The following UGT2B7 variants were observed in gnomAD, a reference collection of about 807,000 sequenced individuals.
The protein encoded by UGT2B7 is UDP-glucuronosyltransferase 2B7.
UGT2B7 carries 51 observed loss-of-function variants against 51.9 expected under a neutral mutation model. The ratio of observed to expected loss-of-function variants is 0.98; its 90% confidence interval spans 0.78 to 1.24. The LOEUF is 1.24. Ranked by LOEUF, UGT2B7 falls within the 50% of genes most tolerant of loss-of-function variation. The pLI, the probability that UGT2B7 is intolerant of heterozygous loss-of-function variation, is 0.00. For synonymous variants in UGT2B7, 225 were observed against 211.6 expected, an observed-to-expected ratio of 1.06 and a Z score of -0.55; for missense variants, 727 against 628.4, an observed-to-expected ratio of 1.16 and a Z score of -1.68.
At chr4:69,109,650 T>C (rs1719717235) in intron 5 of UGT2B7, among the ~76,000 whole-genome samples, 1 of 152,200 alleles carries the variant, frequency 6.6e-6, no homozygotes, top group Non-Finnish European at 1.5e-5. Context: ...AACTTGTAAA[T>C]ATTTTGTCCC....
rs993236771 is a variant in UGT2B7 at position 69,064,024 on chromosome 4, GA to G, written c.-159+12425del. Among the ~76,000 whole-genome samples, 7 of 33,822 alleles carry G rather than the reference GA, an allele frequency of 2.1e-4. No homozygotes were observed. The East Asian group carries it at 5.1e-3, about 25-fold the overall frequency. 22.2% of individuals were successfully genotyped at this position (33,822 alleles called of 152,430 possible). ...TCAAAGGGGAAGATGAGATGGGAAA[GA>G]AAGAAAGAAAGAAAGAAAGAAAGAA... is the stretch of plus-strand genomic sequence containing the variant. On this transcript the variant is annotated intron_variant, in intron 1 of 5. Coordinates refer to the UGT2B7 transcript ENST00000502942.
intron 2 of UGT2B7, among the ~76,000 whole-genome samples, chr4:69,099,519 C>G (rs1719360329): frequency 6.6e-6 from 1 of 151,982 alleles, no homozygotes; most frequent in Non-Finnish European, 1.5e-5. Flanking sequence ...GAGGGCCAGA[C>G]TGTAAAGAGC....
chr4:69,059,697 G>A (rs72851362), intron 1 of UGT2B7, among the ~76,000 whole-genome samples: 27,876 of 152,012 alleles, frequency 0.18, 2,731 homozygotes, highest in East Asian at 0.4. Context: ...CTGGGTGTCC[G>A]CAAATATTTA....
chr4:69,073,164 G>A (rs1718635568), intron 1 of UGT2B7, among the ~76,000 whole-genome samples: 1 of 152,064 alleles, frequency 6.6e-6, no homozygotes, highest in Non-Finnish European at 1.5e-5. Flanking sequence ...CTGAGCCCAT[G>A]AATACCCTTA....
In UGT2B7 at chr4:69,078,169, G is replaced by C. The variant is rs571313600; in HGVS notation, c.-158-11303G>C. 2.0e-5 allele frequency among the ~76,000 whole-genome samples: 3 copies of C among 152,146 alleles called. No individual in the cohort carries two copies. In the South Asian group the frequency reaches 6.2e-4, roughly 32 times the overall value. On this transcript the variant is annotated intron_variant, in intron 1 of 5. Transcript: ENST00000502942. ...AAGCTGACTTGATCATGGTGGATAAGCTTTTTGATGTGCTGCTGGATTTGT... is the reference window on the plus strand; with the variant it reads ...AAGCTGACTTGATCATGGTGGATAACCTTTTTGATGTGCTGCTGGATTTGT...
chr4:69,090,735 C>T (rs1195160108), intron 2 of UGT2B7, among the ~76,000 whole-genome samples: 1 of 152,098 alleles, frequency 6.6e-6, no homozygotes, highest in Non-Finnish European at 1.5e-5. Context: ...TTATGATCGC[C>T]TGTTTTGGTT....
At chr4:69,071,634 A>G (rs1421217119) in intron 1 of UGT2B7, among the ~76,000 whole-genome samples, 1 of 152,248 alleles carries the variant, frequency 6.6e-6, no homozygotes, top group African/African-American at 2.4e-5. Flanking sequence ...ATAGATTTTT[A>G]TAGTACTCTT....
At chr4:69,091,620 T>G (rs1719087602), upstream of UGT2B7, among the ~76,000 whole-genome samples, 1 of 152,180 alleles carries the variant, frequency 6.6e-6, no homozygotes, top group Non-Finnish European at 1.5e-5. Flanking sequence ...TTAATCTCTG[T>G]GAGCAGTGCG....
At chr4:69,063,427 A>G (rs908567281) in intron 1 of UGT2B7, among the ~76,000 whole-genome samples, 4 of 152,088 alleles carry the variant, frequency 2.6e-5, no homozygotes, top group African/African-American at 9.7e-5. Flanking sequence ...ACCCCTATTT[A>G]CATGCTTAAT....
At chr4:69,107,960 C>T (rs1481166076) in intron 4 of UGT2B7, 143 bp from the exon 5 acceptor site, 11 of 1,003,414 alleles carry the variant, frequency 1.1e-5, no homozygotes, top group Middle Eastern at 3.2e-4. Flanking sequence ...AGTACAAGTA[C>T]GTGTTTTTTC....
chr4:69,072,459 G>A (rs1026531040), intron 1 of UGT2B7, among the ~76,000 whole-genome samples: 3 of 152,134 alleles, frequency 2.0e-5, no homozygotes, highest in South Asian at 4.1e-4. Context: ...TGAGTCTATC[G>A]ATGTCAAGGA....
At position 69,096,802 on chromosome 4, in the gene UGT2B7, T is replaced by C; in HGVS notation, c.282T>C (p.Ile94=). Reference sequence around the variant, plus strand: ...TGGAGAATTTCATCATGCAACAGATTAAGAGATGGTCAGACCTTCCAAAAG... The same window carrying C: ...TGGAGAATTTCATCATGCAACAGATCAAGAGATGGTCAGACCTTCCAAAAG... The part of the protein sequence containing the change: ...TELENFIMQQ[I]KRWSDLPKDT... The change falls in exon 1 of 6, where the codon ATT becomes ATC. Residue 94 remains isoleucine (I), a synonymous_variant. Coordinates refer to ENST00000305231, the MANE Select transcript of UGT2B7 (RefSeq NM_001074.4). The C allele has an allele frequency of 6.2e-7, 1 of 1,613,968 alleles. No individual in the cohort carries two copies. The highest frequency in any genetic ancestry group is 8.5e-7 in the Non-Finnish European group (1 of 1,179,910).
chr4:69,073,188 C>G (rs1021384970), intron 1 of UGT2B7, among the ~76,000 whole-genome samples: 1 of 152,136 alleles, frequency 6.6e-6, no homozygotes, highest in Non-Finnish European at 1.5e-5. Flanking sequence ...TATCACCACT[C>G]TATTCATACT....
intron 1 of UGT2B7, among the ~76,000 whole-genome samples, chr4:69,073,235 T>G (rs1560502035): frequency 6.6e-6 from 1 of 152,250 alleles, no homozygotes; most frequent in East Asian, 1.9e-4. Flanking sequence ...AGGTACTTGA[T>G]GCTTTACCCA....
chr4:69,059,016 G>A (rs1018942624), intron 1 of UGT2B7, among the ~76,000 whole-genome samples: 11 of 152,338 alleles, frequency 7.2e-5, no homozygotes, highest in Middle Eastern at 3.4e-3. Context: ...CAGGGCCATC[G>A]TACAGGAAGG....
intron 2 of UGT2B7, among the ~76,000 whole-genome samples, chr4:69,100,911 A>G (rs1338799233): frequency 5.3e-5 from 8 of 152,150 alleles, no homozygotes; most frequent in Non-Finnish European, 8.8e-5. Flanking sequence ...GTGTTTTAAA[A>G]ATGAATATTG....
At chr4:69,083,023 T>C (rs900861102) in intron 1 of UGT2B7, among the ~76,000 whole-genome samples, 4 of 152,248 alleles carry the variant, frequency 2.6e-5, no homozygotes, top group African/African-American at 9.6e-5. Context: ...CCCTTGAGAA[T>C]CTGCTTTGCC....
chr4:69,096,434 C>A, upstream of UGT2B7: 2 of 1,586,402 alleles, frequency 1.3e-6, no homozygotes, highest in South Asian at 2.3e-5. Context: ...TACATTTTAA[C>A]TTCTTGGCTA....
At chr4:69,091,078 G>T (rs1719073750) in intron 2 of UGT2B7, among the ~76,000 whole-genome samples, 1 of 152,168 alleles carries the variant, frequency 6.6e-6, no homozygotes, top group Non-Finnish European at 1.5e-5. Context: ...ACCACACACT[G>T]CCTAGGTCCA....
Sources: allele counts gnomAD v4.1 joint callset (sites outside exome capture counted in the v4.1 genomes callset), GRCh38; gene constraint gnomAD v4.1.1; transcripts MANE v1.5; gene names NCBI Gene and HGNC (gene_info 2026-07-23, HGNC 2026-07-21).